The following BIRC5 variants were observed in gnomAD, a reference collection of about 807,000 sequenced individuals.
The protein encoded by BIRC5 is baculoviral IAP repeat containing 5.
BIRC5 carries 8 observed loss-of-function variants against 15.8 expected under a neutral mutation model. The ratio of observed to expected loss-of-function variants is 0.51; its 90% confidence interval spans 0.30 to 0.91. The LOEUF is 0.91. BIRC5 is among the 40% of genes least tolerant of loss of function. The pLI is 0.07. For synonymous variants in BIRC5, 56 were observed against 64.5 expected, an observed-to-expected ratio of 0.87 and a Z score of 0.63; for missense variants, 163 against 178.6, an observed-to-expected ratio of 0.91 and a Z score of 0.50.
rs763216752 is a variant in BIRC5 at position 78,216,780 on chromosome 17, T to C, written c.338T>C (p.Ile113Thr). ...KLDRERAKNK[I>T]AKETNNKKKE... The stretch of plus-strand genomic sequence containing the variant: ...GACAGAGAAAGAGCCAAGAACAAAA[T>C]TGTATGTATTGGGAATAAGAACTGC... The change falls in exon 3 of 4, where the codon ATT becomes ACT. Residue 113 changes from isoleucine to threonine, a missense_variant and splice_region_variant. Physicochemically the swap from Ile to Thr is moderately conservative, Grantham distance 89 (BLOSUM62 -1). Transcript: ENST00000350051. 4.3e-6 allele frequency: 7 copies of C among 1,610,616 alleles called. No individual in the cohort carries two copies. The highest frequency in any genetic ancestry group is 4.5e-5 in the East Asian group (2 of 44,858).
At chr17:78,221,143 A>G (rs1187924300) in intron 3 of BIRC5, among the ~76,000 whole-genome samples, 4 of 152,264 alleles carry the variant, frequency 2.6e-5, no homozygotes, top group Non-Finnish European at 5.9e-5. Context: ...TAATGTGGAA[A>G]TAAACTGAAC....
chr17:78,220,760 C>T (rs931060123), intron 3 of BIRC5, among the ~76,000 whole-genome samples: 1 of 152,054 alleles, frequency 6.6e-6, no homozygotes, highest in African/African-American at 2.4e-5. Flanking sequence ...CTTACTCTGT[C>T]ACCCAGGCTG....
chr17:78,215,817 TGG>T, intron 2 of BIRC5: 1 of 898,646 alleles, frequency 1.1e-6, no homozygotes, highest in Non-Finnish European at 1.4e-6. Flanking sequence ...GGACTTTGTG[TGG>T]CCATGTTTTC....
chr17:78,215,900 G>T, intron 2 of BIRC5: 1 of 1,065,432 alleles, frequency 9.4e-7, no homozygotes, highest in South Asian at 3.5e-5. Flanking sequence ...AAATGAGAGT[G>T]TGAGCTAGGG....
intron 3 of BIRC5, chr17:78,222,783 A>AG (rs2076523930): frequency 2.0e-6 from 3 of 1,533,932 alleles, no homozygotes; most frequent in Admixed American, 4.0e-5. Context: ...ATGGTAGGGA[A>AG]GGGGGTCCCT....
Position 78,215,838 on chromosome 17 carries a change from G to A in BIRC5, c.222-826G>A, listed in dbSNP as rs1001193535. 5 of 1,012,264 alleles carry A rather than the reference G, an allele frequency of 4.9e-6. No homozygotes were observed. The African/African-American group carries it at 8.6e-5, about 17-fold the overall frequency. 62.7% of individuals were successfully genotyped at this position (1,012,264 alleles called of 1,614,324 possible). A position where few individuals can be genotyped will look rare whatever the true frequency, so the allele number is the denominator to read the frequency against. The stretch of plus-strand genomic sequence containing the variant: ...TGTGTGGCCATGTTTTCATTGTAAT[G>A]CAGTTCTGGTAACGGTGATAGTCAG... On this transcript the variant is annotated intron_variant, in intron 2 of 3. Transcript: ENST00000350051.
rs1274733965 is a variant in BIRC5, at chr17:78,223,363, T to C, written c.340-102T>C. The C allele has an allele frequency of 5.3e-6, 6 of 1,141,398 alleles. No homozygotes were observed. In the East Asian group the frequency reaches 1.0e-4, roughly 19 times the overall value. 70.7% of individuals were successfully genotyped at this position (1,141,398 alleles called of 1,614,324 possible). On this transcript the variant is annotated intron_variant, in intron 3 of 3. Coordinates refer to ENST00000350051, the MANE Select transcript of BIRC5 (RefSeq NM_001168.3). Reference sequence around the variant, plus strand: ...CCCAGTGCCCAGTTTATTTAGGTGCTCTCTCAGTGTTCCCTGATTGTTTTT... The same window carrying C: ...CCCAGTGCCCAGTTTATTTAGGTGCCCTCTCAGTGTTCCCTGATTGTTTTT...
At chr17:78,214,998 T>G in intron 2 of BIRC5, 1 of 521,922 alleles carries the variant, frequency 1.9e-6, no homozygotes, top group Non-Finnish European at 3.5e-6. Flanking sequence ...TGCCTTGGGG[T>G]GGACGTAAGA....
chr17:78,224,049 TTGTTGTGTTTTTTTG>T lies in BIRC5; in HGVS notation c.*497_*511del, dbSNP rs1195982280. On this transcript the variant is annotated 3_prime_UTR_variant, in exon 4 of 4. Coordinates refer to ENST00000350051, the MANE Select transcript of BIRC5 (RefSeq NM_001168.3). ...GCCTCCTCAGAGGACAGTTTTTTTG[TTGTTGTGTTTTTTTG>T]TTTTTTTTTTTTTGGTAGATGCATG... 0.018 allele frequency: 1,216 copies of T among 66,168 alleles called. 9 individuals carry two copies. Among genetic ancestry groups the T allele is most frequent in the Admixed American group, 0.029 (168 of 5,890 alleles). 4.1% of individuals were successfully genotyped at this position (66,168 alleles called of 1,614,324 possible). A position where few individuals can be genotyped will look rare whatever the true frequency, so the allele number is the denominator to read the frequency against.
At chr17:78,223,340 C>A in intron 3 of BIRC5, 125 bp from the exon 4 acceptor site, 1 of 900,040 alleles carries the variant, frequency 1.1e-6, no homozygotes. Context: ...CTGCCTAGCC[C>A]AGTGCCCAGT....
rs2076539286 is a variant in BIRC5 at position 78,224,808 on chromosome 17, T to C, written c.*1254T>C. On this transcript the variant is annotated 3_prime_UTR_variant, in exon 4 of 4. Transcript: ENST00000350051. ...ACAGCCGCAGTGAGGATGAGCGTCC[T>C]GGCAGAGACGCAGTTGTCTCTGGGC... The C allele has an allele frequency of 6.6e-6, 1 of 152,250 alleles. No homozygotes were observed. The highest frequency in any genetic ancestry group is 2.4e-5 in the African/African-American group (1 of 41,458). 9.4% of individuals were successfully genotyped at this position (152,250 alleles called of 1,614,324 possible). A position where few individuals can be genotyped will look rare whatever the true frequency, so the allele number is the denominator to read the frequency against.
chr17:78,217,955 CTTATTTAT>C (rs201966373), intron 3 of BIRC5, among the ~76,000 whole-genome samples: 26 of 150,782 alleles, frequency 1.7e-4, no homozygotes, highest in African/African-American at 4.2e-4. Flanking sequence ...CCATGCCCAC[CTTATTTAT>C]TTATTTATTT....
At position 78,223,605 on chromosome 17, in the gene BIRC5, G is replaced by A. The variant is rs1225238355; in HGVS notation, c.*51G>A. ...CCAGAGTGGCTGCACCACTTCCAGG[G>A]TTTATTCCCTGGTGCCACCAGCCTT... On this transcript the variant is annotated 3_prime_UTR_variant, in exon 4 of 4. Coordinates refer to ENST00000350051, the MANE Select transcript of BIRC5 (RefSeq NM_001168.3). 2.5e-6 allele frequency: 4 copies of A among 1,609,968 alleles called. No homozygotes were observed. The South Asian group carries it at 3.3e-5, about 13-fold the overall frequency.
rs2076535812 is a variant in BIRC5, at chr17:78,224,339, G to T, written c.*785G>T. 1 of 152,230 alleles carries T rather than the reference G, an allele frequency of 6.6e-6. No individual in the cohort carries two copies. Among genetic ancestry groups the T allele is most frequent in the South Asian group, 2.1e-4 (1 of 4,832 alleles). 9.4% of individuals were successfully genotyped at this position (152,230 alleles called of 1,614,324 possible). A position where few individuals can be genotyped will look rare whatever the true frequency, so the allele number is the denominator to read the frequency against. On this transcript the variant is annotated 3_prime_UTR_variant, in exon 4 of 4. Coordinates refer to ENST00000350051, the MANE Select transcript of BIRC5 (RefSeq NM_001168.3). ...ACTGCTGTGTGATTAGACAGGCCCA[G>T]TGAGCCGCGGGGCACATGCTGGCCG...
At chr17:78,215,941 CCTT>C (rs922693698) in intron 2 of BIRC5, 2 of 1,065,836 alleles carry the variant, frequency 1.9e-6, no homozygotes, top group Non-Finnish European at 2.3e-6. Flanking sequence ...GCAATAATGC[CCTT>C]CTCTGCCCTT....
chr17:78,222,917 G>A, intron 3 of BIRC5: 1 of 1,534,708 alleles, frequency 6.5e-7, no homozygotes, highest in Non-Finnish European at 8.7e-7. Flanking sequence ...GGAAGAGCCT[G>A]ATGTTTGCCA....
rs1400674329 is a variant in BIRC5 at position 78,224,262 on chromosome 17, TGAG to T, written c.*712_*714del. On this transcript the variant is annotated 3_prime_UTR_variant, in exon 4 of 4. Coordinates refer to ENST00000350051, the MANE Select transcript of BIRC5 (RefSeq NM_001168.3). ...GGAAACGGGGTGAACTTCAGGTGGATGAGGAGACAGAATAGAGTGATAGGAAGC... is the reference window on the plus strand; with the variant it reads ...GGAAACGGGGTGAACTTCAGGTGGATGAGACAGAATAGAGTGATAGGAAGC... The T allele has an allele frequency of 6.6e-6, 1 of 152,188 alleles. No homozygotes were observed. Among genetic ancestry groups the T allele is most frequent in the Non-Finnish European group, 1.5e-5 (1 of 68,056 alleles). The allele number at this position is 152,188 out of a possible 1,614,324, so 9.4% of individuals were successfully genotyped here.
At position 78,224,045 on chromosome 17, in the gene BIRC5, T is replaced by G. The variant is rs1599034151; in HGVS notation, c.*491T>G. 2 of 153,118 alleles carry G rather than the reference T, an allele frequency of 1.3e-5. No homozygotes were observed. The highest frequency in any genetic ancestry group is 2.1e-4 in the South Asian group (1 of 4,722). The allele number at this position is 153,118 out of a possible 1,614,324, so 9.5% of individuals were successfully genotyped here. A position where few individuals can be genotyped will look rare whatever the true frequency, so the allele number is the denominator to read the frequency against. ...CTGTGCCTCCTCAGAGGACAGTTTT[T>G]TTGTTGTTGTGTTTTTTTGTTTTTT... On this transcript the variant is annotated 3_prime_UTR_variant, in exon 4 of 4. Coordinates refer to ENST00000350051, the MANE Select transcript of BIRC5 (RefSeq NM_001168.3).
intron 3 of BIRC5, chr17:78,222,760 G>A: frequency 3.9e-6 from 6 of 1,524,548 alleles, no homozygotes; most frequent in Non-Finnish European, 4.4e-6. Context: ...AGGAGTTAGG[G>A]TTTATAAAAA....
Sources: allele counts gnomAD v4.1 joint callset (sites outside exome capture counted in the v4.1 genomes callset), GRCh38; gene constraint gnomAD v4.1.1; transcripts MANE v1.5; gene names NCBI Gene and HGNC (gene_info 2026-07-23, HGNC 2026-07-21).